The following BLACAT1 variants were observed in gnomAD, a reference collection of about 807,000 sequenced individuals.
The protein encoded by BLACAT1 is BLACAT1 overlapping LEMD1 locus, also known as bladder cancer associated transcript 1.
chr1:205,446,914 C>T (rs886847803), intron 1 of BLACAT1, among the ~76,000 whole-genome samples: 2 of 152,240 alleles, frequency 1.3e-5, no homozygotes, highest in African/African-American at 4.8e-5. Flanking sequence ...TTTGCTTCTC[C>T]TATTGTTCTG....
At chr1:205,447,551 G>A (rs1666414102) in intron 1 of BLACAT1, among the ~76,000 whole-genome samples, 1 of 152,070 alleles carries the variant, frequency 6.6e-6, no homozygotes. Flanking sequence ...AGGATGGGAG[G>A]GCTAAAATCA....
chr1:205,435,913 C>T (rs1367707195), downstream of BLACAT1: 1 of 152,274 alleles, frequency 6.6e-6, no homozygotes, highest in African/African-American at 2.4e-5. Flanking sequence ...TTTTCTCCAT[C>T]ACTTTTTCCC....
chr1:205,442,529 C>G (rs1047632187), intron 1 of BLACAT1, among the ~76,000 whole-genome samples: 4 of 152,194 alleles, frequency 2.6e-5, no homozygotes, highest in African/African-American at 9.7e-5. Flanking sequence ...CCGGTGGATC[C>G]AAGTCCTGTC....
downstream of BLACAT1, among the ~76,000 whole-genome samples, chr1:205,439,244 T>G (rs957608448): frequency 6.6e-6 from 1 of 152,232 alleles, no homozygotes; most frequent in South Asian, 2.1e-4. Flanking sequence ...CCTTTATTGC[T>G]GAATCTTGCT....
intron 1 of BLACAT1, among the ~76,000 whole-genome samples, chr1:205,445,106 T>C (rs964823450): frequency 6.6e-6 from 1 of 152,074 alleles, no homozygotes; most frequent in Non-Finnish European, 1.5e-5. Context: ...TTTGGGGGAT[T>C]AGCTCGGGCG....
Position 205,450,084 on chromosome 1 carries a change from C to T in BLACAT1, c.-37+5833G>A, listed in dbSNP as rs1484062985. Among the ~76,000 whole-genome samples, 2 of 151,976 alleles carry T rather than the reference C, an allele frequency of 1.3e-5. No homozygotes were observed. The highest frequency in any genetic ancestry group is 1.5e-5 in the Non-Finnish European group (1 of 67,944). On this transcript the variant is annotated intron_variant, in intron 1 of 1. Transcript: ENST00000629624. This position sits in a 1 kb window ranked among gnomAD's most constrained non-coding sequence, Gnocchi z 4.4. ...CTTGACTCACTTGTGACCGGCCCCTCCCCCAGCCCTGAGGACGGTGGGGGT... is the reference window on the plus strand; with the variant it reads ...CTTGACTCACTTGTGACCGGCCCCTTCCCCAGCCCTGAGGACGGTGGGGGT...
chr1:205,437,827 G>C (rs1666233321), downstream of BLACAT1: 1 of 152,208 alleles, frequency 6.6e-6, no homozygotes. Context: ...TAGTTTCCAA[G>C]CAGGGCTAGA....
At chr1:205,445,101 G>C (rs916568902) in intron 1 of BLACAT1, among the ~76,000 whole-genome samples, 2 of 152,168 alleles carry the variant, frequency 1.3e-5, no homozygotes, top group African/African-American at 4.8e-5. Flanking sequence ...CCGGATTTGG[G>C]GGATTAGCTC....
At position 205,452,459 on chromosome 1, in the gene BLACAT1, T is replaced by C. The variant is rs116067388; in HGVS notation, c.-37+3458A>G. Among the ~76,000 whole-genome samples, 919 of 152,282 alleles carry C rather than the reference T, an allele frequency of 6.0e-3. 12 individuals carry two copies. Among genetic ancestry groups the C allele is most frequent in the African/African-American group, 0.021 (865 of 41,558 alleles). On this transcript the variant is annotated intron_variant, in intron 1 of 1. Coordinates refer to ENST00000629624, the Ensembl canonical transcript of BLACAT1. ...CAAGAAAGGAAAGAAGTAGGACTGT[T>C]CCAACAGGAGCCAGTGGGCTCCCTG...
downstream of BLACAT1, chr1:205,435,752 CCA>C (rs1666194719): frequency 6.6e-6 from 1 of 152,184 alleles, no homozygotes; most frequent in South Asian, 2.1e-4. Context: ...CAGCTCTTTT[CCA>C]GTCTCTCAGG....
intron 1 of BLACAT1, among the ~76,000 whole-genome samples, chr1:205,442,624 C>T (rs891449199): frequency 2.0e-5 from 3 of 152,174 alleles, no homozygotes; most frequent in African/African-American, 7.2e-5. Context: ...TTTCCACTGG[C>T]CAGCTGGATG....
chr1:205,448,630 C>T lies in BLACAT1; in HGVS notation c.-37+7287G>A, dbSNP rs1218778278. On this transcript the variant is annotated intron_variant, in intron 1 of 1. Coordinates refer to ENST00000629624, the Ensembl canonical transcript of BLACAT1. This position sits in a 1 kb window ranked among gnomAD's most constrained non-coding sequence, Gnocchi z 4.7. ...AAGGCCTCACACAATGGTCCTCACT[C>T]CAGGGTATGAGGAGGGGTGGCTTCC... is the stretch of plus-strand genomic sequence containing the variant. Among the ~76,000 whole-genome samples, 1 of 151,998 alleles carries T rather than the reference C, an allele frequency of 6.6e-6. No homozygotes were observed. Among genetic ancestry groups the T allele is most frequent in the Non-Finnish European group, 1.5e-5 (1 of 67,926 alleles).
downstream of BLACAT1, chr1:205,437,289 G>A (rs1346085975): frequency 1.3e-5 from 2 of 152,886 alleles, no homozygotes; most frequent in African/African-American, 2.4e-5. Context: ...AGAATCACTT[G>A]AGCATCTATC....
chr1:205,454,527 A>ACTGT (rs1666538848), intron 1 of BLACAT1, among the ~76,000 whole-genome samples: 2 of 149,074 alleles, frequency 1.3e-5, no homozygotes, highest in African/African-American at 5.0e-5. Flanking sequence ...ATCTGGTGTG[A>ACTGT]GTGTGTGTGT....
intron 1 of BLACAT1, among the ~76,000 whole-genome samples, chr1:205,445,528 G>C (rs776654853): frequency 2.9e-4 from 44 of 152,270 alleles, no homozygotes; most frequent in Non-Finnish European, 6.0e-4. Flanking sequence ...AGAGACCACA[G>C]ACCCTAGCTT....
intron 1 of BLACAT1, among the ~76,000 whole-genome samples, chr1:205,454,672 C>T (rs942404249): frequency 4.6e-5 from 7 of 152,146 alleles, no homozygotes; most frequent in African/African-American, 1.7e-4. Flanking sequence ...CCGTTGTGTC[C>T]TCCTGGAGGG....
At chr1:205,438,668 C>T (rs1666246250), downstream of BLACAT1, among the ~76,000 whole-genome samples, 1 of 152,190 alleles carries the variant, frequency 6.6e-6, no homozygotes, top group African/African-American at 2.4e-5. Context: ...AGTGCTGGCC[C>T]CAACCTCAGC....
intron 1 of BLACAT1, among the ~76,000 whole-genome samples, chr1:205,443,510 G>T (rs1313326947): frequency 1.3e-5 from 2 of 152,184 alleles, no homozygotes; most frequent in African/African-American, 2.4e-5. Flanking sequence ...GAGAGCTAAT[G>T]AAGCTGGCCA....
Position 205,441,939 on chromosome 1 carries a change from G to A in BLACAT1, c.-36-877C>T, listed in dbSNP as rs2102466110. Reference sequence around the variant, plus strand: ...TATCTGTTGCAGTCTGGCTGGGGAAGAGAGGGAGCTTCAGGAGCTCAGCTT... The same window carrying A: ...TATCTGTTGCAGTCTGGCTGGGGAAAAGAGGGAGCTTCAGGAGCTCAGCTT... On this transcript the variant is annotated intron_variant, in intron 1 of 1. Transcript: ENST00000629624. The surrounding 1 kb of genome is among the most constrained non-coding windows in gnomAD (Gnocchi z 4.3). Among the ~76,000 whole-genome samples the A allele has an allele frequency of 6.6e-6, 1 of 152,332 alleles. No individual in the cohort carries two copies. Among genetic ancestry groups the A allele is most frequent in the South Asian group, 2.1e-4 (1 of 4,820 alleles).
Sources: gnomAD v4.1 joint callset for allele counts (sites outside exome capture counted in the v4.1 genomes callset) on GRCh38, gnomAD v4.1.1 for gene constraint, Gnocchi (gnomAD v3.1) non-coding constraint, MANE v1.5 for transcripts, NCBI Gene and HGNC (gene_info 2026-07-23, HGNC 2026-07-21) for gene names.